Variants in MSI1 observed in about 807,000 individuals in gnomAD.
The protein encoded by MSI1 is musashi RNA binding protein 1.
A neutral mutation model predicts 54.4 loss-of-function variants in MSI1; 15 were observed. The observed-to-expected ratio is 0.28, with a 90% CI of 0.18 to 0.42. MSI1 has a LOEUF of 0.42. Ranked by LOEUF, MSI1 falls within the 20% of genes least tolerant of loss-of-function variation. The pLI is 1.00. For missense variants in MSI1, 304 were observed against 506.0 expected, an observed-to-expected ratio of 0.60 and a Z score of 3.83; for synonymous variants, 200 against 196.5, an observed-to-expected ratio of 1.02 and a Z score of -0.15.
intron 7 of MSI1, 69 bp from the exon 8 acceptor site, chr12:120,357,967 C>T (rs747046564): frequency 1.1e-5 from 14 of 1,315,366 alleles, no homozygotes; most frequent in African/African-American, 5.8e-5. Flanking sequence ...AACCCCAGGT[C>T]GTACCAATAT....
At chr12:120,347,366 C>A in intron 12 of MSI1, 80 bp downstream of exon 12, 1 of 1,474,816 alleles carries the variant, frequency 6.8e-7, no homozygotes, top group Non-Finnish European at 9.4e-7. Flanking sequence ...AAAGGGGTGG[C>A]AGTGGCCTTC....
chr12:120,359,886 C>T (rs1187906032), intron 6 of MSI1, among the ~76,000 whole-genome samples: 1 of 152,102 alleles, frequency 6.6e-6, no homozygotes, highest in Non-Finnish European at 1.5e-5. Context: ...AATGACCAGA[C>T]ATCCAAAGGA....
intron 5 of MSI1, among the ~76,000 whole-genome samples, chr12:120,364,368 A>G (rs1295813797): frequency 6.6e-6 from 1 of 152,128 alleles, no homozygotes; most frequent in Non-Finnish European, 1.5e-5. Flanking sequence ...TTTCACTTCC[A>G]GAGGCCTGGA....
At chr12:120,340,886 C>CTTTTTTT (rs34926125), downstream of MSI1, among the ~76,000 whole-genome samples, 1 of 119,456 alleles carries the variant, frequency 8.4e-6, no homozygotes, top group Non-Finnish European at 1.7e-5. Flanking sequence ...TTCTCCTATT[C>CTTTTTTT]TTTTTTTTTT....
intron 10 of MSI1, among the ~76,000 whole-genome samples, chr12:120,352,421 C>T (rs914397685): frequency 2.6e-5 from 4 of 152,056 alleles, no homozygotes; most frequent in African/African-American, 4.8e-5. Context: ...TGAAAAGCGA[C>T]GGCCCTAGAA....
chr12:120,346,762 T>G (rs1029375068), intron 12 of MSI1, among the ~76,000 whole-genome samples: 1 of 152,166 alleles, frequency 6.6e-6, no homozygotes, highest in Non-Finnish European at 1.5e-5. Flanking sequence ...TGCCTTTGAA[T>G]GCAAAGTTAA....
At chr12:120,357,327 G>A (rs1260761469) in intron 8 of MSI1, among the ~76,000 whole-genome samples, 1 of 152,166 alleles carries the variant, frequency 6.6e-6, no homozygotes, top group Non-Finnish European at 1.5e-5. Flanking sequence ...ACTACCGTGT[G>A]ACACTGCCTC....
chr12:120,357,831 T>C lies in MSI1; in HGVS notation c.519A>G (p.Glu173=), dbSNP rs1244031165. 6.2e-7 allele frequency: 1 copy of C among 1,614,036 alleles called. No homozygotes were observed. Among genetic ancestry groups the C allele is most frequent in the African/African-American group, 1.3e-5 (1 of 74,938 alleles). The change falls in exon 8 of 15, where the codon GAA becomes GAG. Residue 173 remains glutamate, a synonymous_variant. Transcript: ENST00000257552. ...VEKVCEIHFH[E]INNKMVECKK... is the part of the protein sequence containing the mutation. ...CCCAACTCACCATTTTGTTGTTGAT[T>C]TCATGAAAATGAATTTCACACACTT...
intron 14 of MSI1, among the ~76,000 whole-genome samples, chr12:120,344,971 C>G (rs573739089): frequency 1.4e-5 from 2 of 145,114 alleles, no homozygotes; most frequent in African/African-American, 5.1e-5. Flanking sequence ...GCCAAGATTG[C>G]GCCACTGCAC....
In MSI1 at chr12:120,368,867, C is replaced by T. The variant is rs1876206771; in HGVS notation, c.66G>A (p.Met22Ile). The T allele has an allele frequency of 6.8e-7, 1 of 1,471,670 alleles. No homozygotes were observed. Among genetic ancestry groups the T allele is most frequent in the Non-Finnish European group, 9.1e-7 (1 of 1,101,342 alleles). 91.2% of individuals were successfully genotyped at this position (1,471,670 alleles called of 1,614,324 possible). Reference protein sequence around the residue: ...SPDSPHDPCKMFIGGLSWQTT... With the variant: ...SPDSPHDPCKIFIGGLSWQTT... Reference sequence around the variant, plus strand: ...TCTGCCAACTGAGTCCCCCGATGAACATCTTGCTGCGGGAGGAGGAGAGAC... The same window carrying T: ...TCTGCCAACTGAGTCCCCCGATGAATATCTTGCTGCGGGAGGAGGAGAGAC... The change falls in exon 2 of 15, where the codon ATG (methionine) becomes ATA (isoleucine). Residue 22 changes from methionine to isoleucine, a missense_variant. Met to Ile is a conservative substitution (Grantham distance 10). Coordinates refer to ENST00000257552, the MANE Select transcript of MSI1 (RefSeq NM_002442.4). This position sits in a 1 kb window ranked among gnomAD's most constrained non-coding sequence, Gnocchi z 6.6.
At chr12:120,366,845 C>A (rs1376822222) in intron 4 of MSI1, among the ~76,000 whole-genome samples, 1 of 152,156 alleles carries the variant, frequency 6.6e-6, no homozygotes, top group East Asian at 1.9e-4. Flanking sequence ...ATCCCCCAGC[C>A]CCTAAATCTC....
At chr12:120,361,896 A>G (rs1359490137) in intron 6 of MSI1, among the ~76,000 whole-genome samples, 1 of 151,364 alleles carries the variant, frequency 6.6e-6, no homozygotes, top group Admixed American at 6.6e-5. Flanking sequence ...CCCGGTTGCC[A>G]TGGCAACGCC....
chr12:120,346,186 G>A lies in MSI1; in HGVS notation c.996C>T (p.Tyr332=). The stretch of plus-strand genomic sequence containing the variant: ...TGGGGGCAGGGCTGGCGGCGCTGAT[G>A]TAACTGCTGACCCCCGAGTCCTGGT... ...AANQDSGVSS[Y]ISAASPAPST... The change falls in exon 13 of 15, where the codon TAC becomes TAT. Residue 332 remains tyrosine, a synonymous_variant. Coordinates refer to ENST00000257552, the MANE Select transcript of MSI1 (RefSeq NM_002442.4). 3 of 1,600,162 alleles carry A rather than the reference G, an allele frequency of 1.9e-6. No individual in the cohort carries two copies. The highest frequency in any genetic ancestry group is 2.6e-6 in the Non-Finnish European group (3 of 1,174,240).
At chr12:120,362,786 G>T (rs559700035) in intron 6 of MSI1, among the ~76,000 whole-genome samples, 5 of 152,324 alleles carry the variant, frequency 3.3e-5, no homozygotes, top group South Asian at 4.1e-4. Flanking sequence ...ATAAGTAAGA[G>T]AAAAATACAG....
rs1875277467 is a variant in MSI1 at position 120,357,907 on chromosome 12, T to G, written c.452-9A>C. ...CGTGACAAACCCGAACCCTAGAGGT[T>G]GGACAAAGGATAAAGGCAAGGTCAG... On this transcript the variant is annotated splice_polypyrimidine_tract_variant and intron_variant, in intron 7 of 14. Coordinates refer to ENST00000257552, the MANE Select transcript of MSI1 (RefSeq NM_002442.4). 3 of 1,614,064 alleles carry G rather than the reference T, an allele frequency of 1.9e-6. No individual in the cohort carries two copies. Among genetic ancestry groups the G allele is most frequent in the East Asian group, 2.2e-5 (1 of 44,886 alleles).
At chr12:120,361,490 G>A (rs796778181) in intron 6 of MSI1, 6 of 152,454 alleles carry the variant, frequency 3.9e-5, no homozygotes, top group African/African-American at 1.4e-4. Context: ...AGCCCCACCG[G>A]TGTCCCCTCC....
chr12:120,349,891 T>C (rs1047768722), intron 11 of MSI1, among the ~76,000 whole-genome samples: 2 of 152,246 alleles, frequency 1.3e-5, no homozygotes, highest in Non-Finnish European at 2.9e-5. Context: ...CCCCAGCATG[T>C]GCTTACCACA....
intron 9 of MSI1, 53 bp from the exon 10 acceptor site, chr12:120,353,432 A>G: frequency 6.5e-7 from 1 of 1,540,106 alleles, no homozygotes. Context: ...GCGGATCCTG[A>G]TCATGGAGAA....
At chr12:120,345,867 A>G (rs1042756783) in intron 13 of MSI1, among the ~76,000 whole-genome samples, 1 of 151,820 alleles carries the variant, frequency 6.6e-6, no homozygotes, top group Non-Finnish European at 1.5e-5. Flanking sequence ...AAACCAGGGC[A>G]CCCCTGGAAT....
Sources: gnomAD v4.1 joint callset for allele counts (sites outside exome capture counted in the v4.1 genomes callset) on GRCh38, gnomAD v4.1.1 for gene constraint, Gnocchi (gnomAD v3.1) non-coding constraint, MANE v1.5 for transcripts, NCBI Gene and HGNC (gene_info 2026-07-23, HGNC 2026-07-21) for gene names.